The following BRINP1 variants were observed in gnomAD, a reference collection of about 807,000 sequenced individuals.
BRINP1 encodes the protein BMP/retinoic acid inducible neural specific 1.
In BRINP1, 17 loss-of-function variants were observed where a neutral mutation model predicts 72.9. The observed-to-expected ratio is 0.23, with a 90% CI of 0.16 to 0.35. BRINP1 has a LOEUF of 0.35. BRINP1 is among the 10% of genes least tolerant of loss of function. The pLI is 1.00. For missense variants in BRINP1, 850 were observed against 1,001.6 expected, an observed-to-expected ratio of 0.85 and a Z score of 2.04; for synonymous variants, 418 against 378.5, an observed-to-expected ratio of 1.10 and a Z score of -1.21.
chr9:119,223,859 C>T (rs10984448), intron 5 of BRINP1, among the ~76,000 whole-genome samples: 1 of 152,044 alleles, frequency 6.6e-6, no homozygotes, highest in South Asian at 2.1e-4. Context: ...AATACATAGG[C>T]ACAAAGATAT....
intron 2 of BRINP1, among the ~76,000 whole-genome samples, chr9:119,257,043 T>C (rs1349694297): frequency 6.6e-6 from 1 of 152,208 alleles, no homozygotes; most frequent in Non-Finnish European, 1.5e-5. Context: ...GTTTGTAAAG[T>C]TAATTCTATA....
intron 2 of BRINP1, among the ~76,000 whole-genome samples, chr9:119,303,579 C>A (rs76736484): frequency 6.6e-6 from 1 of 152,130 alleles, no homozygotes; most frequent in Non-Finnish European, 1.5e-5. Flanking sequence ...AGAGACCTTG[C>A]CAGTATGGTG....
chr9:119,332,871 G>T (rs1309206863), intron 1 of BRINP1, among the ~76,000 whole-genome samples: 1 of 152,106 alleles, frequency 6.6e-6, no homozygotes, highest in Non-Finnish European at 1.5e-5. Context: ...TGAGGTGGTG[G>T]GAAGAGAGAG....
chr9:119,251,234 A>G (rs1438920622), intron 2 of BRINP1, among the ~76,000 whole-genome samples: 1 of 152,206 alleles, frequency 6.6e-6, no homozygotes, highest in East Asian at 1.9e-4. Context: ...AGGGCAACAT[A>G]TGATGTCCAC....
intron 1 of BRINP1, among the ~76,000 whole-genome samples, chr9:119,332,738 C>G (rs1019049304): frequency 1.3e-5 from 2 of 152,176 alleles, no homozygotes; most frequent in Admixed American, 1.3e-4. Flanking sequence ...CCCTTCCCCA[C>G]TGAACTGCAG....
chr9:119,294,786 G>A (rs1830857061), intron 2 of BRINP1, among the ~76,000 whole-genome samples: 1 of 141,524 alleles, frequency 7.1e-6, no homozygotes, highest in Non-Finnish European at 1.5e-5. Flanking sequence ...AACCCAGGAG[G>A]TGGAGGTTGC....
chr9:119,318,346 T>A (rs2119001275), intron 1 of BRINP1, among the ~76,000 whole-genome samples: 2 of 152,180 alleles, frequency 1.3e-5, no homozygotes, highest in Middle Eastern at 6.8e-3. Flanking sequence ...GAGAAAAAAA[T>A]TTAAAAGAGA....
chr9:119,169,736 A>G (rs2118818113), intron 7 of BRINP1, among the ~76,000 whole-genome samples: 1 of 152,378 alleles, frequency 6.6e-6, no homozygotes, highest in Non-Finnish European at 1.5e-5. Flanking sequence ...TTCCTGTCTG[A>G]CAGCTTTGAA....
At chr9:119,358,324 A>G (rs1285759891) in intron 1 of BRINP1, among the ~76,000 whole-genome samples, 1 of 151,748 alleles carries the variant, frequency 6.6e-6, no homozygotes, top group Non-Finnish European at 1.5e-5. Context: ...GATGGGCTGC[A>G]CAAGGCGAAG....
intron 2 of BRINP1, among the ~76,000 whole-genome samples, chr9:119,283,660 G>C (rs1830733828): frequency 6.6e-6 from 1 of 152,174 alleles, no homozygotes; most frequent in Admixed American, 6.5e-5. Flanking sequence ...AGCCTCCTGA[G>C]TAGCTGGGAT....
intron 5 of BRINP1, among the ~76,000 whole-genome samples, chr9:119,230,360 T>C (rs1830134965): frequency 6.6e-6 from 1 of 152,024 alleles, no homozygotes; most frequent in South Asian, 2.1e-4. Context: ...GAATCTGATT[T>C]GGCTTTAAGA....
chr9:119,180,332 C>T (rs541302649), intron 7 of BRINP1, among the ~76,000 whole-genome samples: 3 of 152,262 alleles, frequency 2.0e-5, no homozygotes, highest in Non-Finnish European at 2.9e-5. Context: ...TTCTTTGACA[C>T]TGTAATGGGT....
intron 1 of BRINP1, among the ~76,000 whole-genome samples, chr9:119,367,223 T>TATATATATATATATATATATATATATAC (rs1831703781): frequency 1.5e-5 from 2 of 130,278 alleles, no homozygotes; most frequent in Non-Finnish European, 3.1e-5. Flanking sequence ...GTGTGATTGA[T>TATATATATATATATATATATATATATAC]ATATATATAT....
rs745403068 is a variant in BRINP1, at chr9:119,167,736, G to GACATGCCGATCACCATGTGGATGAAGTCC, written c.1605_1633dup (p.Ser545TrpfsTer7). The GACATGCCGATCACCATGTGGATGAAGTCC allele has an allele frequency of 6.2e-7, 1 of 1,614,116 alleles. No homozygotes were observed. The highest frequency in any genetic ancestry group is 1.7e-5 in the Admixed American group (1 of 60,022). ...GTTGCGCATCTGGCAGATGCGCATG[G>GACATGCCGATCACCATGTGGATGAAGTCC]ACATGCCGATCACCATGTGGATGAA... is the stretch of plus-strand genomic sequence containing the variant. On this transcript the variant is annotated stop_gained and frameshift_variant, in exon 8 of 8. Coordinates refer to ENST00000265922, the MANE Select transcript of BRINP1 (RefSeq NM_014618.3). LOFTEE classifies it high-confidence loss of function. This position sits in a 1 kb window ranked among gnomAD's most constrained non-coding sequence, Gnocchi z 4.3.
chr9:119,211,013 T>C (rs1219942544), intron 6 of BRINP1, among the ~76,000 whole-genome samples: 2 of 152,132 alleles, frequency 1.3e-5, no homozygotes, highest in African/African-American at 2.4e-5. Context: ...GATGACTCTG[T>C]TCTGTTTGGG....
At chr9:119,238,828 C>A in intron 4 of BRINP1, 68 bp from the exon 5 acceptor site, 3 of 1,045,138 alleles carry the variant, frequency 2.9e-6, no homozygotes, top group South Asian at 2.9e-5. Context: ...CCCAAAGAGT[C>A]ATGCCCCAGC....
At chr9:119,354,868 CAG>C (rs1451074221) in intron 1 of BRINP1, among the ~76,000 whole-genome samples, 1 of 151,954 alleles carries the variant, frequency 6.6e-6, no homozygotes, top group East Asian at 1.9e-4. Flanking sequence ...GACCCTGTCT[CAG>C]AGAAAAAACG....
chr9:119,169,014 T>C (rs1232448822), intron 7 of BRINP1, among the ~76,000 whole-genome samples: 1 of 152,174 alleles, frequency 6.6e-6, no homozygotes, highest in East Asian at 1.9e-4. Context: ...ATCATTCTAC[T>C]ATAAAGACAT....
chr9:119,183,518 G>T (rs1235681616), intron 7 of BRINP1, among the ~76,000 whole-genome samples: 1 of 152,164 alleles, frequency 6.6e-6, no homozygotes, highest in African/African-American at 2.4e-5. Flanking sequence ...ACAGTACAGA[G>T]AATGCCTTAG....
Sources: gnomAD v4.1 joint callset for allele counts (sites outside exome capture counted in the v4.1 genomes callset) on GRCh38, gnomAD v4.1.1 for gene constraint, Gnocchi (gnomAD v3.1) non-coding constraint, MANE v1.5 for transcripts, NCBI Gene and HGNC (gene_info 2026-07-23, HGNC 2026-07-21) for gene names.